Variants in NALF1 observed in about 807,000 individuals in gnomAD.
The protein encoded by NALF1 is NALCN channel auxiliary factor 1, also known as family with sequence similarity 155 member A.
A neutral mutation model predicts 48.4 loss-of-function variants in NALF1; 3 were observed. The observed-to-expected ratio is 0.06, with a 90% CI of 0.03 to 0.16. The LOEUF (loss-of-function observed/expected upper bound fraction) is 0.16, where lower values mean the gene tolerates loss of function less well. NALF1 is among the 10% of genes least tolerant of loss of function. The probability of loss-of-function intolerance (pLI) is 1.00; values close to 1 mark genes in which losing one functional copy is unlikely to be tolerated. For missense variants in NALF1, 526 were observed against 571.5 expected (o/e 0.92, Z 0.81); for synonymous variants, 262 against 245.7 (o/e 1.07, Z -0.62).
intron 1 of NALF1, among the ~76,000 whole-genome samples, chr13:107,720,320 A>G (rs965038888): frequency 1.3e-5 from 2 of 152,024 alleles, no homozygotes; most frequent in African/African-American, 2.4e-5. Flanking sequence ...GACCAGCCTG[A>G]CCAATATGGT....
At position 107,240,886 on chromosome 13, in the gene NALF1, C is replaced by T. The variant is rs558036087; in HGVS notation, c.916-30131G>A. 4.0e-5 allele frequency among the ~76,000 whole-genome samples: 6 copies of T among 151,432 alleles called. 1 individual carries two copies. The highest frequency in any genetic ancestry group is 6.6e-5 in the Admixed American group (1 of 15,192). On this transcript the variant is annotated intron_variant, in intron 1 of 2. Transcript: ENST00000375915. ...GGTATTTTAAGTACAAGAACTATGT[C>T]TTAGAATGGTGTCTTAGTTCTTTTT...
chr13:107,199,595 A>G (rs1444031491), intron 2 of NALF1, among the ~76,000 whole-genome samples: 1 of 152,134 alleles, frequency 6.6e-6, no homozygotes, highest in Non-Finnish European at 1.5e-5. Context: ...TGGGGTACCT[A>G]TTCAAAATGT....
intron 1 of NALF1, among the ~76,000 whole-genome samples, chr13:107,659,657 T>C (rs1198112360): frequency 6.6e-6 from 1 of 151,686 alleles, no homozygotes; most frequent in East Asian, 1.9e-4. Flanking sequence ...TCTAAATATA[T>C]AAAATATAAA....
chr13:107,725,339 T>A (rs1232074377), intron 1 of NALF1, among the ~76,000 whole-genome samples: 1 of 152,170 alleles, frequency 6.6e-6, no homozygotes, highest in Non-Finnish European at 1.5e-5. Flanking sequence ...ATAATATCTA[T>A]GATGTGCTGT....
chr13:107,729,424 AAAT>A (rs1876246767), intron 1 of NALF1, among the ~76,000 whole-genome samples: 1 of 152,174 alleles, frequency 6.6e-6, no homozygotes, highest in Non-Finnish European at 1.5e-5. Context: ...ACTGAAAAAA[AAAT>A]AATAAATATG....
chr13:107,568,678 T>C (rs1877888763), intron 1 of NALF1, among the ~76,000 whole-genome samples: 1 of 152,260 alleles, frequency 6.6e-6, no homozygotes, highest in Non-Finnish European at 1.5e-5. Context: ...GTAGTTCTAA[T>C]AGCCATTTCT....
At chr13:107,680,618 G>C (rs1214101820) in intron 1 of NALF1, among the ~76,000 whole-genome samples, 1 of 107,802 alleles carries the variant, frequency 9.3e-6, no homozygotes, top group Non-Finnish European at 2.2e-5. Flanking sequence ...ACGAGTGAGG[G>C]TGTATGTTTG....
chr13:107,326,465 A>T (rs905592060), intron 1 of NALF1, among the ~76,000 whole-genome samples: 8 of 152,120 alleles, frequency 5.3e-5, no homozygotes, highest in African/African-American at 1.9e-4. Context: ...TATATGCATC[A>T]TTTTAATTAA....
chr13:107,257,361 G>A (rs1263917700), intron 1 of NALF1, among the ~76,000 whole-genome samples: 1 of 152,254 alleles, frequency 6.6e-6, no homozygotes, highest in East Asian at 1.9e-4. Context: ...GGGGCATAAA[G>A]TCATTTAACT....
chr13:107,818,685 A>T (rs1879249843), intron 1 of NALF1, among the ~76,000 whole-genome samples: 1 of 150,706 alleles, frequency 6.6e-6, no homozygotes, highest in South Asian at 2.1e-4. Context: ...ATCCTGGCTA[A>T]CACGGTGAAA....
intron 1 of NALF1, among the ~76,000 whole-genome samples, chr13:107,234,825 T>C (rs528033975): frequency 6.6e-6 from 1 of 152,338 alleles, no homozygotes; most frequent in Admixed American, 6.5e-5. Flanking sequence ...CTATGACATC[T>C]CTATTTTTGG....
chr13:107,274,229 A>G (rs1881233380), intron 1 of NALF1, among the ~76,000 whole-genome samples: 1 of 152,064 alleles, frequency 6.6e-6, no homozygotes, highest in African/African-American at 2.4e-5. Context: ...CATCTACGGC[A>G]CCAAATGCAC....
At chr13:107,286,369 C>T (rs1425273587) in intron 1 of NALF1, among the ~76,000 whole-genome samples, 2 of 152,056 alleles carry the variant, frequency 1.3e-5, no homozygotes, top group Admixed American at 6.6e-5. Context: ...TACAGTGACT[C>T]GTGCCCGTAG....
chr13:107,867,452 G>A lies in NALF1; in HGVS notation c.-856C>T, dbSNP rs1281471293. Reference sequence around the variant, plus strand: ...CGAGAGCCACAGTCATCTTCAGTCCGCGGGCTAAGTTGCCGCCATCTTCGT... The same window carrying A: ...CGAGAGCCACAGTCATCTTCAGTCCACGGGCTAAGTTGCCGCCATCTTCGT... On this transcript the variant is annotated 5_prime_UTR_variant, in exon 1 of 3. Transcript: ENST00000375915. The surrounding 1 kb of genome is among the most constrained non-coding windows in gnomAD (Gnocchi z 4.4). Among the ~76,000 whole-genome samples, 1 of 149,294 alleles carries A rather than the reference G, an allele frequency of 6.7e-6. No individual in the cohort carries two copies. The highest frequency in any genetic ancestry group is 6.7e-5 in the Admixed American group (1 of 15,026).
chr13:107,717,732 C>T (rs1405478004), intron 1 of NALF1, among the ~76,000 whole-genome samples: 1 of 152,060 alleles, frequency 6.6e-6, no homozygotes, highest in Non-Finnish European at 1.5e-5. Flanking sequence ...TAAGGCAGCA[C>T]CCTCCGTGGC....
intron 1 of NALF1, among the ~76,000 whole-genome samples, chr13:107,606,288 G>GTA (rs386380645): frequency 6.6e-6 from 1 of 151,292 alleles, no homozygotes; most frequent in Non-Finnish European, 1.5e-5. Context: ...ATATGTGTGT[G>GTA]TTTGTGTGTG....
intron 1 of NALF1, among the ~76,000 whole-genome samples, chr13:107,438,856 A>AAAAAAAAT (rs1555301014): frequency 1.5e-5 from 2 of 130,358 alleles, no homozygotes; most frequent in African/African-American, 5.3e-5. Flanking sequence ...AAAAAAGAAT[A>AAAAAAAAT]ATATAAAGGG....
chr13:107,825,110 G>C (rs1333179550), intron 1 of NALF1, among the ~76,000 whole-genome samples: 1 of 152,068 alleles, frequency 6.6e-6, no homozygotes, highest in Non-Finnish European at 1.5e-5. Flanking sequence ...ATAAAACACA[G>C]TTATCAGTTC....
intron 1 of NALF1, among the ~76,000 whole-genome samples, chr13:107,524,982 G>A (rs943001307): frequency 2.0e-5 from 3 of 152,036 alleles, no homozygotes; most frequent in Non-Finnish European, 4.4e-5. Context: ...AGGAGACATA[G>A]AGAGCTTCCA....
Sources: gnomAD v4.1 joint callset for allele counts (sites outside exome capture counted in the v4.1 genomes callset) on GRCh38, gnomAD v4.1.1 for gene constraint, Gnocchi (gnomAD v3.1) non-coding constraint, MANE v1.5 for transcripts, NCBI Gene and HGNC (gene_info 2026-07-23, HGNC 2026-07-21) for gene names.